The following SLC5A12 variants were observed in gnomAD, a reference collection of about 807,000 sequenced individuals.
SLC5A12 encodes the protein solute carrier family 5 member 12.
In SLC5A12, 46 loss-of-function variants were observed where a neutral mutation model predicts 72.7. The ratio of observed to expected loss-of-function variants is 0.63; its 90% CI spans 0.50 to 0.81. The LOEUF is 0.81. SLC5A12 is among the 30% of genes least tolerant of loss of function. The pLI is 0.00. For synonymous variants in SLC5A12, 275 were observed against 264.4 expected, an observed-to-expected ratio of 1.04 and a Z score of -0.39; for missense variants, 683 against 740.7, an observed-to-expected ratio of 0.92 and a Z score of 0.90.
At chr11:26,683,662 G>A (rs1854458785) in intron 11 of SLC5A12, 95 bp downstream of exon 11, 6 of 1,002,988 alleles carry the variant, frequency 6.0e-6, no homozygotes, top group Non-Finnish European at 9.1e-6. Context: ...TCCTGGCTAA[G>A]ACAGATAGCT....
intron 1 of SLC5A12, 37 bp from the exon 2 acceptor site, chr11:26,712,743 T>C: frequency 1.3e-6 from 2 of 1,504,624 alleles, no homozygotes; most frequent in South Asian, 1.2e-5. Context: ...GTCAGTGAGG[T>C]TTAGATAAGA....
In SLC5A12 at chr11:26,686,536, A is replaced by G. The variant is rs759186468; in HGVS notation, c.1162T>C (p.Phe388Leu). Residue 388 changes from phenylalanine to leucine, a missense_variant, in exon 10 of 15, where the codon TTT (phenylalanine) becomes CTT (leucine). Physicochemically the swap from Phe to Leu is conservative, Grantham distance 22 (BLOSUM62 0). Coordinates refer to ENST00000396005, the MANE Select transcript of SLC5A12 (RefSeq NM_178498.4). The stretch of plus-strand genomic sequence containing the variant: ...GCCATAGAGGTACACATCACGCCAA[A>G]TAAGAGACCTGAAAGAAAGAAAAAT... Reference protein sequence around the residue: ...TWISKGLCLLFGVMCTSMAVA... With the variant: ...TWISKGLCLLLGVMCTSMAVA... 2.5e-6 allele frequency: 4 copies of G among 1,613,786 alleles called. No individual in the cohort carries two copies. Among genetic ancestry groups the G allele is most frequent in the South Asian group, 2.2e-5 (2 of 91,072 alleles).
intron 14 of SLC5A12, among the ~76,000 whole-genome samples, chr11:26,672,923 T>A (rs1252463289): frequency 6.6e-6 from 1 of 152,166 alleles, no homozygotes; most frequent in East Asian, 1.9e-4. Context: ...TGTGTCCATG[T>A]TGCTCTGTAT....
chr11:26,681,231 G>A lies in SLC5A12; in HGVS notation c.1309-10C>T, dbSNP rs1270513814. 6.4e-7 allele frequency: 1 copy of A among 1,555,422 alleles called. No individual in the cohort carries two copies. Among genetic ancestry groups the A allele is most frequent in the Non-Finnish European group, 8.7e-7 (1 of 1,152,974 alleles). Reference sequence around the variant, plus strand: ...GACCTCCTAGTGCACCCTGGATGAAGAAGAAAAAGGTTAATGGGAAATTTG... The same window carrying A: ...GACCTCCTAGTGCACCCTGGATGAAAAAGAAAAAGGTTAATGGGAAATTTG... On this transcript the variant is annotated splice_polypyrimidine_tract_variant and intron_variant, in intron 11 of 14. Transcript: ENST00000396005.
intron 10 of SLC5A12, among the ~76,000 whole-genome samples, chr11:26,685,061 G>T (rs1433035551): frequency 6.6e-6 from 1 of 152,102 alleles, no homozygotes; most frequent in African/African-American, 2.4e-5. Context: ...TATTAGAAAG[G>T]ACATCATGTC....
At chr11:26,687,532 T>C (rs1037604750) in intron 9 of SLC5A12, among the ~76,000 whole-genome samples, 1 of 152,250 alleles carries the variant, frequency 6.6e-6, no homozygotes, top group Admixed American at 6.5e-5. Flanking sequence ...ATGTGATTCC[T>C]GTCTCTAACA....
At chr11:26,686,119 A>G (rs1035129852) in intron 10 of SLC5A12, among the ~76,000 whole-genome samples, 1 of 152,158 alleles carries the variant, frequency 6.6e-6, no homozygotes, top group South Asian at 2.1e-4. Context: ...AATGTTAATT[A>G]TTATTGGTTT....
intron 14 of SLC5A12, among the ~76,000 whole-genome samples, chr11:26,672,481 T>C (rs66591292): frequency 0.09 from 13,702 of 152,130 alleles, 668 homozygotes; most frequent in Middle Eastern, 0.16. Flanking sequence ...CATCAAATGC[T>C]GTAACAACCC....
intron 8 of SLC5A12, among the ~76,000 whole-genome samples, chr11:26,694,203 A>C: frequency 6.6e-6 from 1 of 152,198 alleles, no homozygotes; most frequent in South Asian, 2.1e-4. Flanking sequence ...CTCAACCACT[A>C]TCTTCCCATT....
chr11:26,702,351 A>G (rs1854977295), intron 6 of SLC5A12, among the ~76,000 whole-genome samples: 1 of 152,230 alleles, frequency 6.6e-6, no homozygotes, highest in African/African-American at 2.4e-5. Flanking sequence ...AACTTACAAA[A>G]TGGTTGAATC....
chr11:26,693,833 T>A (rs1380590735), intron 8 of SLC5A12, among the ~76,000 whole-genome samples: 1 of 152,156 alleles, frequency 6.6e-6, no homozygotes, highest in Non-Finnish European at 1.5e-5. Context: ...ATCTGAAAAC[T>A]AATTGCTTGG....
At chr11:26,683,417 C>T (rs1247038077) in intron 11 of SLC5A12, among the ~76,000 whole-genome samples, 1 of 152,108 alleles carries the variant, frequency 6.6e-6, no homozygotes, top group Non-Finnish European at 1.5e-5. Flanking sequence ...TACGAATTTT[C>T]AAAATTGTGT....
chr11:26,717,255 T>C (rs1481314410), intron 1 of SLC5A12, among the ~76,000 whole-genome samples: 1 of 152,076 alleles, frequency 6.6e-6, no homozygotes, highest in Non-Finnish European at 1.5e-5. Context: ...CCGGGCATTA[T>C]CATAAAGAAA....
At chr11:26,705,089 A>C (rs1177858929) in intron 4 of SLC5A12, among the ~76,000 whole-genome samples, 4 of 152,040 alleles carry the variant, frequency 2.6e-5, no homozygotes, top group African/African-American at 4.8e-5. Flanking sequence ...GGAATGTAAA[A>C]GGAAAAATAA....
At chr11:26,693,049 C>T (rs992432471) in intron 8 of SLC5A12, among the ~76,000 whole-genome samples, 2 of 152,278 alleles carry the variant, frequency 1.3e-5, no homozygotes, top group African/African-American at 4.8e-5. Flanking sequence ...TTCTGGGTAT[C>T]AAGCATACAA....
chr11:26,668,708 T>C lies in SLC5A12; in HGVS notation c.*2394A>G, dbSNP rs558819802. 9.2e-5 allele frequency: 14 copies of C among 152,106 alleles called. No individual in the cohort carries two copies. The highest frequency in any genetic ancestry group is 3.4e-4 in the African/African-American group (14 of 41,522). 9.4% of individuals were successfully genotyped at this position (152,106 alleles called of 1,614,324 possible). A position where few individuals can be genotyped will look rare whatever the true frequency, so the allele number is the denominator to read the frequency against. ...TGCATGTTTGTTCAATTAAGAAGAATGGGGGGAGTCTCTACATTGACCTCT... is the reference window on the plus strand; with the variant it reads ...TGCATGTTTGTTCAATTAAGAAGAACGGGGGGAGTCTCTACATTGACCTCT... On this transcript the variant is annotated 3_prime_UTR_variant, in exon 15 of 15. Transcript: ENST00000396005.
chr11:26,703,968 G>C, intron 4 of SLC5A12, 21 bp from the exon 5 acceptor site: 4 of 1,612,650 alleles, frequency 2.5e-6, no homozygotes, highest in Non-Finnish European at 3.4e-6. Context: ...GAGAATGTTT[G>C]AGTCCTTGAA....
At chr11:26,677,867 A>G (rs977019472) in intron 13 of SLC5A12, among the ~76,000 whole-genome samples, 6 of 152,144 alleles carry the variant, frequency 3.9e-5, no homozygotes, top group African/African-American at 1.2e-4. Context: ...AAAATAGAAT[A>G]CCTTAAAATT....
intron 1 of SLC5A12, 117 bp from the exon 2 acceptor site, chr11:26,712,823 G>T: frequency 2.0e-6 from 1 of 502,398 alleles, no homozygotes. Context: ...CTGATTTTAT[G>T]ATATGTATCC....
Sources: gnomAD v4.1 joint callset for allele counts (sites outside exome capture counted in the v4.1 genomes callset) on GRCh38, gnomAD v4.1.1 for gene constraint, MANE v1.5 for transcripts, NCBI Gene and HGNC (gene_info 2026-07-23, HGNC 2026-07-21) for gene names.